Variants in CCL5 observed in about 807,000 individuals in gnomAD.
The protein encoded by CCL5 is C-C motif chemokine ligand 5, also known as C-C motif chemokine 5.
CCL5 carries 5 observed loss-of-function variants against 9.0 expected under a neutral mutation model. The observed-to-expected ratio is 0.55, with a 90% CI of 0.29 to 1.16. The LOEUF (loss-of-function observed/expected upper bound fraction) is 1.16, where lower values mean the gene tolerates loss of function less well. Among genes scored for constraint, CCL5 ranks in the 50% most tolerant of loss-of-function variants. The pLI, the probability that CCL5 is intolerant of heterozygous loss-of-function variation, is 0.08. For synonymous variants in CCL5, 66 were observed against 72.0 expected (o/e 0.92, Z 0.42); for missense variants, 183 against 183.2 (o/e 1.00, Z 0.01).
chr17:35,873,430 A>G (rs770368409), intron 3 of CCL5, among the ~76,000 whole-genome samples: 9 of 151,524 alleles, frequency 5.9e-5, no homozygotes, highest in Non-Finnish European at 1.2e-4. Context: ...CTCGTGATTC[A>G]CCCACCTTGG....
At chr17:35,873,986 A>T (rs1050962275) in intron 3 of CCL5, among the ~76,000 whole-genome samples, 1 of 152,160 alleles carries the variant, frequency 6.6e-6, no homozygotes, top group Non-Finnish European at 1.5e-5. Flanking sequence ...CTGGAAATGT[A>T]AAAGTTGGGG....
chr17:35,876,859 C>T lies in CCL5; in HGVS notation c.189-1217G>A, dbSNP rs151228416. ...CTTTTCTCTGCCAGGCCAAATCTCT[C>T]CTCAGACAGCACCATTTGCAGCAAA... On this transcript the variant is annotated intron_variant, in intron 2 of 3. Coordinates refer to ENST00000651122, the MANE Select transcript of CCL5 (RefSeq NM_001278736.2). Among the ~76,000 whole-genome samples the T allele has an allele frequency of 9.2e-5, 14 of 152,284 alleles. No homozygotes were observed. The East Asian group carries it at 2.7e-3, about 29-fold the overall frequency.
chr17:35,873,460 T>C (rs1210089931), intron 3 of CCL5, among the ~76,000 whole-genome samples: 1 of 152,226 alleles, frequency 6.6e-6, no homozygotes, highest in East Asian at 1.9e-4. Flanking sequence ...GTGCTGGGAT[T>C]ACAGGCATGA....
In CCL5 at chr17:35,880,360, G is replaced by A. The variant is rs923018675; in HGVS notation, c.-55C>T. The A allele has an allele frequency of 6.9e-7, 1 of 1,443,150 alleles. No homozygotes were observed. The highest frequency in any genetic ancestry group is 1.4e-5 in the African/African-American group (1 of 71,434). 89.4% of individuals were successfully genotyped at this position (1,443,150 alleles called of 1,614,324 possible). A position where few individuals can be genotyped will look rare whatever the true frequency, so the allele number is the denominator to read the frequency against. ...CACGTGCTGTCTTGATCCTCTGCAGGAATCCTCTGCAGCTCAGGCTGGCCC... is the reference window on the plus strand; with the variant it reads ...CACGTGCTGTCTTGATCCTCTGCAGAAATCCTCTGCAGCTCAGGCTGGCCC... On this transcript the variant is annotated 5_prime_UTR_variant, in exon 1 of 4. Coordinates refer to ENST00000651122, the MANE Select transcript of CCL5 (RefSeq NM_001278736.2).
At chr17:35,876,341 C>G (rs2088440999) in intron 2 of CCL5, among the ~76,000 whole-genome samples, 1 of 152,192 alleles carries the variant, frequency 6.6e-6, no homozygotes, top group South Asian at 2.1e-4. Flanking sequence ...GCTACCAACC[C>G]TTCATTTCAC....
chr17:35,873,938 A>T (rs1410849307), intron 3 of CCL5, among the ~76,000 whole-genome samples: 2 of 152,076 alleles, frequency 1.3e-5, no homozygotes, highest in Non-Finnish European at 2.9e-5. Flanking sequence ...GGCCTATGAG[A>T]ATCAGAGGCC....
At chr17:35,875,293 G>T (rs9889874) in intron 3 of CCL5, among the ~76,000 whole-genome samples, 23,788 of 151,814 alleles carry the variant, frequency 0.16, 2,076 homozygotes, top group East Asian at 0.33. Flanking sequence ...ATTTACCATC[G>T]TAACCATTTT....
intron 3 of CCL5, among the ~76,000 whole-genome samples, chr17:35,872,704 T>C (rs1292857051): frequency 6.6e-6 from 1 of 152,158 alleles, no homozygotes; most frequent in Non-Finnish European, 1.5e-5. Flanking sequence ...TTCACACAAA[T>C]GCATGTAGCC....
At position 35,878,646 on chromosome 17, in the gene CCL5, G is replaced by T. The variant is rs1433385813; in HGVS notation, c.77-7C>A. On this transcript the variant is annotated splice_region_variant and splice_polypyrimidine_tract_variant and intron_variant, in intron 1 of 3. Transcript: ENST00000651122. The stretch of plus-strand genomic sequence containing the variant: ...GGTGTGGTGTCCGAGGAATCTGGAA[G>T]AGGAAAGGAAGGAGGGAGACCCTTT... The T allele has an allele frequency of 3.1e-6, 5 of 1,593,090 alleles. No homozygotes were observed. The South Asian group carries it at 4.4e-5, about 14-fold the overall frequency.
rs7220144 is a variant in CCL5, at chr17:35,878,081, G to A, written c.188+447C>T. ...GGGTAGATCACGAGGGCAGGAGATC[G>A]AGACCATCCTGGCTAACACGGTGAA... On this transcript the variant is annotated intron_variant, in intron 2 of 3. Transcript: ENST00000651122. Among the ~76,000 whole-genome samples, 1,384 of 151,260 alleles carry A rather than the reference G, an allele frequency of 9.1e-3. 19 individuals are homozygous for A. Among genetic ancestry groups the A allele is most frequent in the African/African-American group, 0.032 (1,318 of 40,864 alleles).
In CCL5 at chr17:35,880,324, T is replaced by C; in HGVS notation, c.-19A>G. ...CCTTCATGGTACCTGTGGGAGAGGC[T>C]GTGCGAGGTCCACGTGCTGTCTTGA... On this transcript the variant is annotated 5_prime_UTR_variant, in exon 1 of 4. Coordinates refer to ENST00000651122, the MANE Select transcript of CCL5 (RefSeq NM_001278736.2). The C allele has an allele frequency of 1.2e-6, 2 of 1,602,256 alleles. No homozygotes were observed. Among genetic ancestry groups the C allele is most frequent in the Non-Finnish European group, 1.7e-6 (2 of 1,172,876 alleles).
At chr17:35,875,043 A>G (rs1467737308) in intron 3 of CCL5, among the ~76,000 whole-genome samples, 3 of 152,086 alleles carry the variant, frequency 2.0e-5, no homozygotes, top group Non-Finnish European at 4.4e-5. Flanking sequence ...CACATTAAAA[A>G]AAAAAAGAAA....
At chr17:35,875,010 G>A (rs1410699093) in intron 3 of CCL5, among the ~76,000 whole-genome samples, 2 of 150,856 alleles carry the variant, frequency 1.3e-5, no homozygotes, top group African/African-American at 4.9e-5. Context: ...CAGAAATTCC[G>A]CCTTTGCTTT....
At chr17:35,877,444 T>C (rs1015628735) in intron 2 of CCL5, among the ~76,000 whole-genome samples, 1 of 152,224 alleles carries the variant, frequency 6.6e-6, no homozygotes, top group Non-Finnish European at 1.5e-5. Context: ...CCATTTTCAT[T>C]TTTTAAGTCT....
chr17:35,875,729 G>T, intron 2 of CCL5: 1 of 412,288 alleles, frequency 2.4e-6, no homozygotes, highest in Non-Finnish European at 3.3e-6. Flanking sequence ...CCCGCAGACT[G>T]TGATACCAAA....
intron 1 of CCL5, among the ~76,000 whole-genome samples, chr17:35,879,902 G>A (rs183542122): frequency 6.6e-6 from 1 of 152,204 alleles, no homozygotes; most frequent in African/African-American, 2.4e-5. Flanking sequence ...TGAGTCAGAC[G>A]TGTTTCAAAG....
chr17:35,873,055 A>G (rs1365297672), intron 3 of CCL5, among the ~76,000 whole-genome samples: 4 of 151,676 alleles, frequency 2.6e-5, no homozygotes, highest in African/African-American at 9.7e-5. Context: ...ATGCCCAGCT[A>G]ATTTTTGTAT....
At chr17:35,875,494 C>T in intron 3 of CCL5, 2 of 651,502 alleles carry the variant, frequency 3.1e-6, no homozygotes, top group Non-Finnish European at 3.8e-6. Flanking sequence ...AAGCAATATT[C>T]TGGCCTCTCA....
At chr17:35,878,039 C>T (rs562880373) in intron 2 of CCL5, among the ~76,000 whole-genome samples, 130 of 152,196 alleles carry the variant, frequency 8.5e-4, no homozygotes, top group African/African-American at 3.0e-3. Context: ...AATCCCAGCA[C>T]TTTGGGAGGC....
Sources: gnomAD v4.1 joint callset for allele counts (sites outside exome capture counted in the v4.1 genomes callset) on GRCh38, gnomAD v4.1.1 for gene constraint, MANE v1.5 for transcripts, NCBI Gene and HGNC (gene_info 2026-07-23, HGNC 2026-07-21) for gene names.